Variants in ADGRF3 observed in about 807,000 individuals in gnomAD.
ADGRF3 encodes adhesion G protein-coupled receptor F3.
ADGRF3 carries 85 observed loss-of-function variants against 93.2 expected under a neutral mutation model. That is an observed-to-expected ratio of 0.91 (90% CI 0.77 to 1.09). The LOEUF is 1.09. Ranked by LOEUF, ADGRF3 falls within the 50% of genes least tolerant of loss-of-function variation. The pLI, the probability that ADGRF3 is intolerant of heterozygous loss-of-function variation, is 0.00. For synonymous variants in ADGRF3, 534 were observed against 532.5 expected (o/e 1.00, Z -0.04); for missense variants, 1,125 against 1,246.2 (o/e 0.90, Z 1.46).
chr2:26,310,632 T>C, intron 10 of ADGRF3, 60 bp downstream of exon 10: 1 of 1,510,008 alleles, frequency 6.6e-7, no homozygotes, highest in East Asian at 2.4e-5. Flanking sequence ...AGAGAAGAGA[T>C]CGGCAGTGAC....
intron 12 of ADGRF3, 66 bp from the exon 13 acceptor site, chr2:26,309,647 G>A: frequency 6.4e-7 from 1 of 1,569,196 alleles, no homozygotes; most frequent in South Asian, 1.2e-5. Context: ...CCCTTGAAGA[G>A]GTTGTATCTG....
At chr2:26,317,830 TG>T (rs1364382171) in intron 1 of ADGRF3, among the ~76,000 whole-genome samples, 1 of 152,240 alleles carries the variant, frequency 6.6e-6, no homozygotes, top group Admixed American at 6.5e-5. Context: ...TGCGTTTACC[TG>T]TCCCTGGGCC....
intron 1 of ADGRF3, chr2:26,317,917 T>G: frequency 1.0e-6 from 1 of 978,200 alleles, no homozygotes; most frequent in Non-Finnish European, 1.6e-6. Context: ...CCCAGGCGCT[T>G]GGGGAGTTTA....
At chr2:26,344,564 T>C (rs1481428724) in intron 1 of ADGRF3, among the ~76,000 whole-genome samples, 1 of 152,214 alleles carries the variant, frequency 6.6e-6, no homozygotes, top group African/African-American at 2.4e-5. Context: ...CCCTGGGTTA[T>C]GGAACATGGG....
In ADGRF3 at chr2:26,313,035, G is replaced by A; in HGVS notation, c.1357C>T (p.Pro453Ser). ...CTCAGCAGGGTCAGTAAGTCGGAGGGTGAACTTGCCTCTGCCGCCTGCCCT... is the reference window on the plus strand; with the variant it reads ...CTCAGCAGGGTCAGTAAGTCGGAGGATGAACTTGCCTCTGCCGCCTGCCCT... ...LPGQAAEASS[P>S]SDLLTLLSTM... The change falls in exon 9 of 14, where the codon CCC (proline) becomes TCC (serine). Residue 453 changes from proline (P) to serine (S), a missense_variant. Coordinates refer to ENST00000651242, the MANE Select transcript of ADGRF3 (RefSeq NM_001321971.2). 1 of 1,614,048 alleles carries A rather than the reference G, an allele frequency of 6.2e-7. No homozygotes were observed. Among genetic ancestry groups the A allele is most frequent in the East Asian group, 2.2e-5 (1 of 44,880 alleles).
chr2:26,314,343 G>T, intron 6 of ADGRF3, 71 bp downstream of exon 6: 1 of 1,415,180 alleles, frequency 7.1e-7, no homozygotes, highest in Non-Finnish European at 9.7e-7. Context: ...ATGAGCTGAA[G>T]ACCCAGCTGC....
intron 1 of ADGRF3, among the ~76,000 whole-genome samples, chr2:26,320,365 G>A (rs939260289): frequency 3.9e-5 from 6 of 152,082 alleles, no homozygotes; most frequent in African/African-American, 7.2e-5. Context: ...GCGTGGTGGC[G>A]CATCCCTGTA....
At chr2:26,342,087 TGAC>T (rs1676431464) in intron 1 of ADGRF3, among the ~76,000 whole-genome samples, 2 of 149,834 alleles carry the variant, frequency 1.3e-5, no homozygotes, top group South Asian at 4.2e-4. Context: ...AAAAAACAAC[TGAC>T]TTGTGATTTT....
chr2:26,313,008 T>A lies in ADGRF3; in HGVS notation c.1384A>T (p.Thr462Ser). 1 of 1,614,044 alleles carries A rather than the reference T, an allele frequency of 6.2e-7. No homozygotes were observed. Among genetic ancestry groups the A allele is most frequent in the Non-Finnish European group, 8.5e-7 (1 of 1,179,886 alleles). Reference protein sequence around the residue: ...SPSDLLTLLSTMKYVAKVVAE... With the variant: ...SPSDLLTLLSSMKYVAKVVAE... The stretch of plus-strand genomic sequence containing the variant: ...ACCACCTTGGCCACGTATTTCATGG[T>A]GCTCAGCAGGGTCAGTAAGTCGGAG... The change falls in exon 9 of 14, where the codon ACC becomes TCC. Residue 462 changes from threonine (T) to serine (S), a missense_variant. Thr to Ser is a moderately conservative substitution (Grantham distance 58). Transcript: ENST00000651242.
At chr2:26,326,686 T>C (rs932173957) in intron 1 of ADGRF3, among the ~76,000 whole-genome samples, 1 of 152,178 alleles carries the variant, frequency 6.6e-6, no homozygotes, top group African/African-American at 2.4e-5. Context: ...TGAGAACCTA[T>C]TGTTCATGAG....
At chr2:26,317,963 AG>A in intron 1 of ADGRF3, 1 of 1,369,222 alleles carries the variant, frequency 7.3e-7, no homozygotes, top group Non-Finnish European at 1.0e-6. Context: ...GGTGAGCAGA[AG>A]GCAGCCTCTT....
chr2:26,343,767 G>A (rs965790458), intron 1 of ADGRF3, among the ~76,000 whole-genome samples: 14 of 152,128 alleles, frequency 9.2e-5, no homozygotes, highest in African/African-American at 3.1e-4. Flanking sequence ...TTGAAAAAGA[G>A]TACTGGGGCT....
At chr2:26,327,062 G>C (rs1036545273) in intron 1 of ADGRF3, among the ~76,000 whole-genome samples, 3 of 152,222 alleles carry the variant, frequency 2.0e-5, no homozygotes, top group Admixed American at 1.3e-4. Flanking sequence ...GAGCCACCAT[G>C]CTTGGCCAAA....
chr2:26,310,042 C>T lies in ADGRF3; in HGVS notation c.2937+1G>A. 9 of 1,614,052 alleles carry T rather than the reference C, an allele frequency of 5.6e-6. No homozygotes were observed. In the South Asian group the frequency reaches 9.9e-5, roughly 18 times the overall value. Reference sequence around the variant, plus strand: ...CTGAGGATCTGAAGGCAGCAACTCACCAGGGAGATGGTGGAGCTGGGGGCT... The same window carrying T: ...CTGAGGATCTGAAGGCAGCAACTCATCAGGGAGATGGTGGAGCTGGGGGCT... On this transcript the variant is annotated splice_donor_variant, in intron 12 of 13. Coordinates refer to ENST00000651242, the MANE Select transcript of ADGRF3 (RefSeq NM_001321971.2). LOFTEE classifies it high-confidence loss of function.
chr2:26,319,213 G>A lies in ADGRF3; in HGVS notation c.115-1651C>T, dbSNP rs1240808712. 5 of 691,816 alleles carry A rather than the reference G, an allele frequency of 7.2e-6. No homozygotes were observed. In the African/African-American group the frequency reaches 9.0e-5, roughly 12 times the overall value. The allele number at this position is 691,816 out of a possible 1,614,324, so 42.9% of individuals were successfully genotyped here. On this transcript the variant is annotated intron_variant, in intron 1 of 13. Transcript: ENST00000651242. ...GACTCTGAGTGAAATGGGAATCCAG[G>A]TCACTGTGGGGGCCACCTGGAGCCC...
Position 26,310,839 on chromosome 2 carries a change from C to T in ADGRF3, c.2685G>A (p.Glu895=). ...TCACCCCCAGCAGAGCTTGGCGCTT[C>T]TCTGCTGGGGGTCCCTCTGACAGCG... ...RPSLSEGPPA[E]KRQALLGVIK... Residue 895 remains glutamate, a synonymous_variant, in exon 10 of 14, where the codon GAG becomes GAA. Transcript: ENST00000651242. The T allele has an allele frequency of 6.2e-7, 1 of 1,613,396 alleles. No homozygotes were observed. The highest frequency in any genetic ancestry group is 8.5e-7 in the Non-Finnish European group (1 of 1,179,664).
At chr2:26,340,861 T>G (rs1008344817) in intron 1 of ADGRF3, among the ~76,000 whole-genome samples, 3 of 152,228 alleles carry the variant, frequency 2.0e-5, no homozygotes, top group African/African-American at 7.2e-5. Context: ...GCTTCTTTTA[T>G]TTAACAGACA....
chr2:26,316,931 A>C lies in ADGRF3; in HGVS notation c.306T>G (p.Thr102=), dbSNP rs778701910. 2 of 1,610,948 alleles carry C rather than the reference A, an allele frequency of 1.2e-6. No individual in the cohort carries two copies. The highest frequency in any genetic ancestry group is 1.7e-6 in the Non-Finnish European group (2 of 1,179,026). The part of the protein sequence containing the change: ...SASSSPRPLL[T]GLRLTTECNV... ...TGGTACCTGTTGTGAGTCTGAGGCC[A>C]GTGAGAAGAGGCCTTGGGGAAGAGG... The change falls in exon 3 of 14, where the codon ACT becomes ACG. Residue 102 remains threonine (T), a synonymous_variant. Transcript: ENST00000651242.
intron 1 of ADGRF3, among the ~76,000 whole-genome samples, chr2:26,340,047 C>T (rs1018294478): frequency 6.6e-6 from 1 of 152,214 alleles, no homozygotes; most frequent in Non-Finnish European, 1.5e-5. Flanking sequence ...TTTCTTTCTA[C>T]CAGACTTCGC....
Sources: gnomAD v4.1 joint callset for allele counts (sites outside exome capture counted in the v4.1 genomes callset) on GRCh38, gnomAD v4.1.1 for gene constraint, MANE v1.5 for transcripts, NCBI Gene and HGNC (gene_info 2026-07-23, HGNC 2026-07-21) for gene names.